NCAM2: variants seen among roughly 807,000 people sequenced by gnomAD.
The protein encoded by NCAM2 is N-CAM-2.
A neutral mutation model predicts 98.1 loss-of-function variants in NCAM2; 30 were observed. That is an observed-to-expected ratio of 0.31 (90% CI 0.23 to 0.41). The LOEUF (loss-of-function observed/expected upper bound fraction) is 0.41. NCAM2 is among the 10% of genes least tolerant of loss of function. NCAM2 has a pLI of 1.00. For missense variants in NCAM2, 867 were observed against 1,005.8 expected (o/e 0.86, Z 1.87); for synonymous variants, 368 against 342.4 (o/e 1.07, Z -0.83).
intron 1 of NCAM2, among the ~76,000 whole-genome samples, chr21:21,050,396 A>G (rs2146292334): frequency 6.6e-6 from 1 of 152,268 alleles, no homozygotes; most frequent in African/African-American, 2.4e-5. Flanking sequence ...TGTTAACAGA[A>G]CTCTGGTAAG....
At chr21:21,132,306 C>T (rs564262871) in intron 1 of NCAM2, among the ~76,000 whole-genome samples, 2 of 152,220 alleles carry the variant, frequency 1.3e-5, no homozygotes, top group East Asian at 3.9e-4. Flanking sequence ...TATAAGAACC[C>T]TTGTGACTAC....
intron 1 of NCAM2, among the ~76,000 whole-genome samples, chr21:21,012,343 T>A (rs2064226960): frequency 6.6e-6 from 1 of 152,184 alleles, no homozygotes; most frequent in Non-Finnish European, 1.5e-5. Context: ...TGGCTTTTCT[T>A]ATTGTGAATC....
chr21:21,161,459 G>T (rs1179873930), intron 1 of NCAM2, among the ~76,000 whole-genome samples: 1 of 151,666 alleles, frequency 6.6e-6, no homozygotes, highest in Non-Finnish European at 1.5e-5. Context: ...CACCTAGATT[G>T]CCAAAACGAT....
chr21:21,464,475 T>G (rs1983410990), intron 12 of NCAM2, among the ~76,000 whole-genome samples: 1 of 152,118 alleles, frequency 6.6e-6, no homozygotes, highest in Non-Finnish European at 1.5e-5. Flanking sequence ...TTTTAAACTC[T>G]TGTTAAAGGA....
intron 5 of NCAM2, 34 bp from the exon 6 acceptor site, chr21:21,324,349 G>A (rs201903342): frequency 1.1e-4 from 160 of 1,500,156 alleles, no homozygotes; most frequent in Middle Eastern, 3.6e-4. Context: ...AGGTGTTTTC[G>A]TCTCTATTTA....
intron 1 of NCAM2, among the ~76,000 whole-genome samples, chr21:21,114,515 T>A (rs2066514473): frequency 6.6e-6 from 1 of 152,200 alleles, no homozygotes; most frequent in Admixed American, 6.5e-5. Context: ...TGTTCTGCCA[T>A]AGGAAAAGCT....
intron 5 of NCAM2, among the ~76,000 whole-genome samples, chr21:21,303,691 A>G (rs1322084219): frequency 1.3e-5 from 2 of 152,106 alleles, no homozygotes; most frequent in Non-Finnish European, 2.9e-5. Context: ...ACTTCCTAAA[A>G]GTTTTCCAAA....
At chr21:21,324,856 A>C (rs1160540339) in intron 6 of NCAM2, among the ~76,000 whole-genome samples, 2 of 152,176 alleles carry the variant, frequency 1.3e-5, no homozygotes, top group African/African-American at 2.4e-5. Context: ...CACCACTGTC[A>C]TATGTATACA....
At chr21:21,130,487 A>T (rs1009516985) in intron 1 of NCAM2, among the ~76,000 whole-genome samples, 1 of 152,170 alleles carries the variant, frequency 6.6e-6, no homozygotes, top group Admixed American at 6.5e-5. Context: ...CTGTGCTTCC[A>T]ATAACATTTT....
At chr21:21,385,411 T>TA (rs977221427) in intron 9 of NCAM2, among the ~76,000 whole-genome samples, 4 of 105,920 alleles carry the variant, frequency 3.8e-5, no homozygotes, top group African/African-American at 1.3e-4. Flanking sequence ...CACACACACA[T>TA]ACACACACAC....
chr21:21,526,243 C>T (rs1989317104), intron 16 of NCAM2, among the ~76,000 whole-genome samples: 1 of 151,944 alleles, frequency 6.6e-6, no homozygotes, highest in Non-Finnish European at 1.5e-5. Flanking sequence ...GAAAAAACAC[C>T]TGGGTATAGT....
chr21:21,450,425 C>T (rs1001447452), intron 12 of NCAM2, among the ~76,000 whole-genome samples: 24 of 70,844 alleles, frequency 3.4e-4, no homozygotes, highest in Non-Finnish European at 6.7e-4. Context: ...CTCACTGAAG[C>T]CTTCCAAAAC....
At chr21:21,412,125 G>C (rs1038785243) in intron 10 of NCAM2, among the ~76,000 whole-genome samples, 1 of 152,164 alleles carries the variant, frequency 6.6e-6, no homozygotes, top group African/African-American at 2.4e-5. Flanking sequence ...CTGAGTTCTG[G>C]AGGATAGAGG....
intron 12 of NCAM2, among the ~76,000 whole-genome samples, chr21:21,450,611 T>C (rs1338616309): frequency 2.6e-5 from 4 of 152,098 alleles, no homozygotes; most frequent in Non-Finnish European, 5.9e-5. Flanking sequence ...ATTATAGGCA[T>C]GAGCCACTGT....
At chr21:21,319,622 C>T (rs987137459) in intron 5 of NCAM2, among the ~76,000 whole-genome samples, 8 of 152,124 alleles carry the variant, frequency 5.3e-5, no homozygotes, top group Non-Finnish European at 8.8e-5. Context: ...GCCTGTCCGA[C>T]AGAGTGAGAC....
At chr21:21,237,949 C>CTTTTTTTTTTT (rs71195313) in intron 1 of NCAM2, among the ~76,000 whole-genome samples, 9 of 114,474 alleles carry the variant, frequency 7.9e-5, no homozygotes, top group East Asian at 5.8e-4. Context: ...CATTGTAATT[C>CTTTTTTTTTTT]TTTTTTTTTT....
chr21:21,356,945 C>T (rs1266254438), intron 8 of NCAM2, among the ~76,000 whole-genome samples: 3 of 151,566 alleles, frequency 2.0e-5, no homozygotes, highest in South Asian at 4.2e-4. Context: ...GCCAAGATCG[C>T]GCCATTGCAC....
At chr21:21,411,184 G>A (rs1379773629) in intron 10 of NCAM2, among the ~76,000 whole-genome samples, 5 of 83,848 alleles carry the variant, frequency 6.0e-5, no homozygotes, top group Non-Finnish European at 9.9e-5. Context: ...GAAAAAATTG[G>A]TAATGTAATA....
At chr21:21,415,116 T>C (rs2076963285) in intron 10 of NCAM2, among the ~76,000 whole-genome samples, 1 of 151,978 alleles carries the variant, frequency 6.6e-6, no homozygotes, top group African/African-American at 2.4e-5. Context: ...TTCATAACGA[T>C]AAATGAATGA....
Sources: allele counts gnomAD v4.1 joint callset (sites outside exome capture counted in the v4.1 genomes callset), GRCh38; gene constraint gnomAD v4.1.1; transcripts MANE v1.5; gene names NCBI Gene and HGNC (gene_info 2026-07-23, HGNC 2026-07-21).